The following COL14A1 variants were observed in gnomAD, a reference collection of about 807,000 sequenced individuals.
COL14A1 encodes the protein collagen type XIV alpha 1 chain, also known as collagen alpha-1(XIV) chain.
In COL14A1, 136 loss-of-function variants were observed where a neutral mutation model predicts 230.3. That is an observed-to-expected ratio of 0.59 (90% confidence interval 0.51 to 0.68). The LOEUF (loss-of-function observed/expected upper bound fraction) is 0.68. Ranked by LOEUF, COL14A1 falls within the 30% of genes least tolerant of loss-of-function variation. The probability of loss-of-function intolerance (pLI) is 0.00; values close to 1 mark genes in which losing one functional copy is unlikely to be tolerated. For missense variants in COL14A1, 1,976 were observed against 2,215.8 expected (o/e 0.89, Z 2.17); for synonymous variants, 792 against 784.1 (o/e 1.01, Z -0.17).
chr8:120,256,374 G>T (rs1012318900), intron 23 of COL14A1, among the ~76,000 whole-genome samples: 4 of 152,154 alleles, frequency 2.6e-5, no homozygotes, highest in Admixed American at 6.5e-5. Context: ...AAAGTGGAAA[G>T]CATAGTTTAG....
At chr8:120,143,279 G>C (rs555699987) in intron 1 of COL14A1, among the ~76,000 whole-genome samples, 1 of 152,274 alleles carries the variant, frequency 6.6e-6, no homozygotes, top group South Asian at 2.1e-4. Flanking sequence ...TCTCTCAAAA[G>C]AACAGCATCC....
intron 37 of COL14A1, among the ~76,000 whole-genome samples, chr8:120,310,481 A>C (rs1376801216): frequency 6.6e-6 from 1 of 152,184 alleles, no homozygotes; most frequent in Non-Finnish European, 1.5e-5. Context: ...ATATATAATC[A>C]AACACACAAC....
At chr8:120,330,319 C>G (rs1279412500) in intron 40 of COL14A1, among the ~76,000 whole-genome samples, 1 of 152,066 alleles carries the variant, frequency 6.6e-6, no homozygotes, top group African/African-American at 2.4e-5. Context: ...TCGTCCTACC[C>G]CTGTGTATTA....
chr8:120,164,325 CCAT>C (rs1310735648), intron 4 of COL14A1, among the ~76,000 whole-genome samples: 1 of 152,044 alleles, frequency 6.6e-6, no homozygotes, highest in Non-Finnish European at 1.5e-5. Flanking sequence ...TAAAATCCTA[CCAT>C]AAGATGAATC....
At chr8:120,329,075 GC>G (rs1218948166) in intron 40 of COL14A1, among the ~76,000 whole-genome samples, 7 of 152,224 alleles carry the variant, frequency 4.6e-5, no homozygotes, top group African/African-American at 1.7e-4. Context: ...GTGAATATGT[GC>G]CCAGGGTCCA....
At chr8:120,253,839 G>A (rs578224415) in intron 22 of COL14A1, among the ~76,000 whole-genome samples, 2 of 152,252 alleles carry the variant, frequency 1.3e-5, no homozygotes, top group East Asian at 3.9e-4. Flanking sequence ...CAGGAGAATC[G>A]CCTGTACCCA....
intron 24 of COL14A1, among the ~76,000 whole-genome samples, chr8:120,264,776 C>T (rs1819454956): frequency 6.6e-6 from 1 of 152,112 alleles, no homozygotes; most frequent in Non-Finnish European, 1.5e-5. Context: ...TCTGTTTAGA[C>T]AGTGCATGTG....
intron 19 of COL14A1, among the ~76,000 whole-genome samples, chr8:120,234,706 T>G (rs1030003670): frequency 2.6e-5 from 4 of 152,176 alleles, no homozygotes; most frequent in African/African-American, 9.7e-5. Flanking sequence ...GTTGCTGAAT[T>G]CGGTTTGCCA....
chr8:120,305,023 G>A (rs910108988), intron 36 of COL14A1, among the ~76,000 whole-genome samples: 2 of 151,686 alleles, frequency 1.3e-5, no homozygotes. Flanking sequence ...TTGTTGCCCG[G>A]GCTGGAGTGC....
intron 25 of COL14A1, among the ~76,000 whole-genome samples, chr8:120,267,736 G>T (rs78589123): frequency 6.6e-6 from 1 of 151,954 alleles, no homozygotes; most frequent in African/African-American, 2.4e-5. Flanking sequence ...AATGACAGTA[G>T]AGTTATGGAG....
At chr8:120,350,103 T>G (rs948574323) in intron 45 of COL14A1, among the ~76,000 whole-genome samples, 2 of 151,106 alleles carry the variant, frequency 1.3e-5, no homozygotes, top group African/African-American at 4.9e-5. Context: ...AAGAAAAGAA[T>G]TTTCAACCCA....
intron 23 of COL14A1, among the ~76,000 whole-genome samples, chr8:120,259,864 T>C (rs1400935828): frequency 6.6e-6 from 1 of 152,040 alleles, no homozygotes; most frequent in Non-Finnish European, 1.5e-5. Flanking sequence ...TTTAGGAGGC[T>C]CTAAGGGATA....
At chr8:120,253,311 G>C (rs1819035235) in intron 22 of COL14A1, among the ~76,000 whole-genome samples, 1 of 152,094 alleles carries the variant, frequency 6.6e-6, no homozygotes, top group African/African-American at 2.4e-5. Flanking sequence ...GCCCAGCCCT[G>C]TGATTTTTTA....
intron 8 of COL14A1, 61 bp from the exon 9 acceptor site, chr8:120,203,648 G>A (rs766681978): frequency 8.3e-5 from 129 of 1,550,420 alleles, no homozygotes; most frequent in Middle Eastern, 4.0e-4. Context: ...CAGGCCCACC[G>A]CAGTCACTCT....
intron 47 of COL14A1, chr8:120,370,635 T>C: frequency 6.9e-7 from 1 of 1,457,594 alleles, no homozygotes; most frequent in Non-Finnish European, 9.1e-7. Context: ...TGGATAGAGG[T>C]ATATGATCGT....
At chr8:120,317,296 T>C (rs1341254884) in intron 40 of COL14A1, among the ~76,000 whole-genome samples, 1 of 152,222 alleles carries the variant, frequency 6.6e-6, no homozygotes, top group Non-Finnish European at 1.5e-5. Context: ...ATAATGAAAC[T>C]GTTCTTGTTT....
chr8:120,248,813 C>T (rs572497466), intron 21 of COL14A1, among the ~76,000 whole-genome samples: 4 of 151,938 alleles, frequency 2.6e-5, no homozygotes, highest in African/African-American at 7.2e-5. Context: ...TGTGATCACA[C>T]CACTGCACTC....
chr8:120,268,867 T>C (rs558420482), intron 25 of COL14A1, among the ~76,000 whole-genome samples: 59 of 151,860 alleles, frequency 3.9e-4, no homozygotes, highest in Middle Eastern at 6.8e-3. Context: ...TTCATTTTTA[T>C]CTTTCCATGG....
intron 3 of COL14A1, among the ~76,000 whole-genome samples, chr8:120,158,676 A>C (rs1815560263): frequency 6.6e-6 from 1 of 152,164 alleles, no homozygotes; most frequent in African/African-American, 2.4e-5. Context: ...AGGCAGGAAA[A>C]ACATAAGTTG....
Sources: gnomAD v4.1 joint callset for allele counts (sites outside exome capture counted in the v4.1 genomes callset) on GRCh38, gnomAD v4.1.1 for gene constraint, MANE v1.5 for transcripts, NCBI Gene and HGNC (gene_info 2026-07-23, HGNC 2026-07-21) for gene names.